NELL1: variants seen among roughly 807,000 people sequenced by gnomAD.
The protein encoded by NELL1 is protein kinase C-binding protein NELL1.
A neutral mutation model predicts 107.4 loss-of-function variants in NELL1; 76 were observed. That is an observed-to-expected ratio of 0.71 (90% CI 0.59 to 0.86). The LOEUF is 0.86. Ranked by LOEUF, NELL1 falls within the 40% of genes least tolerant of loss-of-function variation. NELL1 has a pLI of 0.00. For missense variants in NELL1, 1,024 were observed against 1,005.5 expected (o/e 1.02, Z -0.25); for synonymous variants, 353 against 341.2 (o/e 1.03, Z -0.38).
At chr11:20,903,346 T>A (rs1849919948) in intron 5 of NELL1, among the ~76,000 whole-genome samples, 1 of 152,074 alleles carries the variant, frequency 6.6e-6, no homozygotes, top group Non-Finnish European at 1.5e-5. Context: ...GGATCTGTAA[T>A]GAAGGGCAAT....
chr11:20,869,892 G>A (rs768524624), intron 4 of NELL1, among the ~76,000 whole-genome samples: 2 of 152,162 alleles, frequency 1.3e-5, no homozygotes, highest in Non-Finnish European at 2.9e-5. Context: ...CTAGTTGTAA[G>A]TAACAGAAAT....
At chr11:21,301,946 T>A (rs1343050603) in intron 14 of NELL1, among the ~76,000 whole-genome samples, 2 of 152,038 alleles carry the variant, frequency 1.3e-5, no homozygotes, top group African/African-American at 2.4e-5. Context: ...GAAATTGAGG[T>A]ACTAATATGT....
At chr11:20,926,114 G>A (rs1234419475) in intron 7 of NELL1, among the ~76,000 whole-genome samples, 4 of 152,154 alleles carry the variant, frequency 2.6e-5, no homozygotes, top group South Asian at 4.1e-4. Flanking sequence ...TCTAGGAAAC[G>A]ATACTTGTTT....
intron 13 of NELL1, among the ~76,000 whole-genome samples, chr11:21,115,699 A>G (rs1159096331): frequency 2.6e-5 from 4 of 151,998 alleles, no homozygotes; most frequent in Non-Finnish European, 5.9e-5. Flanking sequence ...ATGTAAGTTC[A>G]CATGGTGGAC....
chr11:21,342,659 G>T (rs11026034), intron 14 of NELL1, among the ~76,000 whole-genome samples: 27,417 of 129,264 alleles, frequency 0.21, 2,632 homozygotes, highest in East Asian at 0.3. Flanking sequence ...AAAAAAAAAA[G>T]AAAAAGAAAA....
intron 3 of NELL1, among the ~76,000 whole-genome samples, chr11:20,834,083 A>G (rs1035159725): frequency 2.0e-5 from 3 of 152,148 alleles, no homozygotes; most frequent in African/African-American, 7.2e-5. Flanking sequence ...TTGTCTGTAG[A>G]ATAGATTGGA....
intron 2 of NELL1, among the ~76,000 whole-genome samples, chr11:20,693,083 G>C (rs1184378931): frequency 6.6e-6 from 1 of 151,738 alleles, no homozygotes. Flanking sequence ...TTTAAAGTCT[G>C]TTTTATCAGA....
intron 12 of NELL1, among the ~76,000 whole-genome samples, chr11:21,075,250 A>G (rs1215803492): frequency 1.3e-5 from 2 of 152,168 alleles, no homozygotes; most frequent in African/African-American, 2.4e-5. Context: ...ATTAAAGACA[A>G]TCTGTGTTGT....
intron 5 of NELL1, among the ~76,000 whole-genome samples, chr11:20,893,309 C>T (rs750813102): frequency 8.7e-5 from 13 of 149,270 alleles, no homozygotes; most frequent in East Asian, 2.0e-4. Flanking sequence ...ATGGGTGCAG[C>T]GAACCACCAT....
At chr11:20,943,414 C>T (rs1165082521) in intron 10 of NELL1, among the ~76,000 whole-genome samples, 2 of 151,880 alleles carry the variant, frequency 1.3e-5, no homozygotes, top group African/African-American at 2.4e-5. Context: ...AAAACCCTGT[C>T]TCTACTAAAA....
intron 4 of NELL1, among the ~76,000 whole-genome samples, chr11:20,872,865 C>G (rs1282587775): frequency 6.6e-6 from 1 of 152,092 alleles, no homozygotes; most frequent in Non-Finnish European, 1.5e-5. Context: ...CTCTGGGAAG[C>G]TTTAAACTAG....
intron 2 of NELL1, among the ~76,000 whole-genome samples, chr11:20,704,849 A>T (rs1411878844): frequency 6.6e-6 from 1 of 151,982 alleles, no homozygotes; most frequent in African/African-American, 2.4e-5. Flanking sequence ...AAATTCACAG[A>T]CATTCTTATA....
chr11:21,411,750 A>G (rs4923596), intron 15 of NELL1, among the ~76,000 whole-genome samples: 105,891 of 151,982 alleles, frequency 0.7, 37,058 homozygotes, highest in Middle Eastern at 0.73. Context: ...TTCAGGTGAG[A>G]TAAATGATTC....
At chr11:20,821,742 A>G (rs533019698) in intron 3 of NELL1, among the ~76,000 whole-genome samples, 31 of 152,368 alleles carry the variant, frequency 2.0e-4, no homozygotes, top group Middle Eastern at 3.4e-3. Flanking sequence ...ATTTTTGAAA[A>G]GGGCAGCAAT....
At chr11:21,340,281 T>C (rs1474069492) in intron 14 of NELL1, among the ~76,000 whole-genome samples, 5 of 151,940 alleles carry the variant, frequency 3.3e-5, no homozygotes, top group Non-Finnish European at 5.9e-5. Flanking sequence ...GCCTCCCGAG[T>C]AGCTGGGACT....
chr11:21,467,196 T>C (rs531854613), intron 15 of NELL1, among the ~76,000 whole-genome samples: 5 of 152,208 alleles, frequency 3.3e-5, no homozygotes, highest in South Asian at 4.1e-4. Context: ...GATCCCATAC[T>C]TACTAACTGT....
chr11:21,304,368 G>T (rs1330332067), intron 14 of NELL1, among the ~76,000 whole-genome samples: 1 of 151,904 alleles, frequency 6.6e-6, no homozygotes. Context: ...ACTTTCTCAG[G>T]AGTCAGAGAC....
At chr11:20,864,190 A>T (rs1465120364) in intron 4 of NELL1, among the ~76,000 whole-genome samples, 1 of 152,178 alleles carries the variant, frequency 6.6e-6, no homozygotes, top group African/African-American at 2.4e-5. Flanking sequence ...AAAATTTTTT[A>T]AATAGAAAAT....
At chr11:21,220,470 G>A (rs904128420) in intron 13 of NELL1, among the ~76,000 whole-genome samples, 3 of 152,058 alleles carry the variant, frequency 2.0e-5, no homozygotes, top group African/African-American at 7.2e-5. Context: ...GAAGAGTATG[G>A]TTTGTTTAAC....
Sources: gnomAD v4.1 joint callset for allele counts (sites outside exome capture counted in the v4.1 genomes callset) on GRCh38, gnomAD v4.1.1 for gene constraint, MANE v1.5 for transcripts, NCBI Gene and HGNC (gene_info 2026-07-23, HGNC 2026-07-21) for gene names.